KCNH8: variants seen among roughly 807,000 people sequenced by gnomAD.
KCNH8 encodes potassium voltage-gated channel subfamily H member 8.
A neutral mutation model predicts 103.6 loss-of-function variants in KCNH8; 70 were observed. The ratio of observed to expected loss-of-function variants is 0.68; its 90% confidence interval spans 0.56 to 0.82. The LOEUF is 0.82. Among genes scored for constraint, KCNH8 ranks in the 40% least tolerant of loss-of-function variants. The pLI, the probability that KCNH8 is intolerant of heterozygous loss-of-function variation, is 0.00. For missense variants in KCNH8, 1,217 were observed against 1,329.9 expected, an observed-to-expected ratio of 0.92 and a Z score of 1.32; for synonymous variants, 498 against 489.4, an observed-to-expected ratio of 1.02 and a Z score of -0.23.
At position 19,399,909 on chromosome 3, in the gene KCNH8, A is replaced by G. The variant is rs2066584726; in HGVS notation, c.1177+4598A>G. On this transcript the variant is annotated intron_variant, in intron 7 of 15. Coordinates refer to ENST00000328405, the MANE Select transcript of KCNH8 (RefSeq NM_144633.3). ...AATTAGAAGGATACAAAACAAGACT[A>G]GGAAAAGAACATGAGCTAAGGTAGC... Among the ~76,000 whole-genome samples the G allele has an allele frequency of 3.3e-5, 5 of 152,088 alleles. No individual in the cohort carries two copies. The South Asian group carries it at 1.0e-3, about 32-fold the overall frequency.
At chr3:19,425,406 C>T (rs2067013943) in intron 7 of KCNH8, among the ~76,000 whole-genome samples, 1 of 152,164 alleles carries the variant, frequency 6.6e-6, no homozygotes, top group East Asian at 1.9e-4. Context: ...CAATAGACTG[C>T]AAGATAATAA....
intron 11 of KCNH8, among the ~76,000 whole-genome samples, chr3:19,474,549 TG>T (rs1428722446): frequency 6.6e-6 from 1 of 152,188 alleles, no homozygotes; most frequent in East Asian, 1.9e-4. Context: ...GGCCAGCATG[TG>T]GTGATGACAA....
chr3:19,164,675 C>T (rs576956093), intron 1 of KCNH8, among the ~76,000 whole-genome samples: 108 of 152,282 alleles, frequency 7.1e-4, no homozygotes, highest in Non-Finnish European at 1.4e-3. Context: ...CGTGACTTCA[C>T]TGTGAGATAC....
intron 1 of KCNH8, among the ~76,000 whole-genome samples, chr3:19,165,652 A>G (rs1383585039): frequency 6.6e-6 from 1 of 152,198 alleles, no homozygotes; most frequent in Non-Finnish European, 1.5e-5. Context: ...CCAGTTGGCA[A>G]CTTTATAGGT....
At chr3:19,240,482 C>A (rs1253383463) in intron 1 of KCNH8, among the ~76,000 whole-genome samples, 1 of 151,902 alleles carries the variant, frequency 6.6e-6, no homozygotes, top group Non-Finnish European at 1.5e-5. Flanking sequence ...CATGGTGGCG[C>A]ATGCCTGTAA....
rs541272635 is a variant in KCNH8 at position 19,353,469 on chromosome 3, A to G, written c.811+5504A>G. ...AGATCAATATCCCTGATGCACATCA[A>G]TGCAAAAATCCTCAATAAAGTACTG... On this transcript the variant is annotated intron_variant, in intron 5 of 15. Coordinates refer to ENST00000328405, the MANE Select transcript of KCNH8 (RefSeq NM_144633.3). Among the ~76,000 whole-genome samples the G allele has an allele frequency of 7.2e-5, 11 of 152,350 alleles. No homozygotes were observed. In the East Asian group the frequency reaches 1.9e-3, roughly 27 times the overall value.
intron 11 of KCNH8, among the ~76,000 whole-genome samples, chr3:19,488,998 T>C (rs112819319): frequency 1.3e-5 from 2 of 152,152 alleles, no homozygotes; most frequent in African/African-American, 4.8e-5. Context: ...AGGTGAAAGG[T>C]TGATACAAAG....
At chr3:19,308,983 C>G (rs935851263) in intron 3 of KCNH8, among the ~76,000 whole-genome samples, 6 of 151,720 alleles carry the variant, frequency 4.0e-5, no homozygotes, top group African/African-American at 1.5e-4. Context: ...AGGAGAACAA[C>G]AGCTTCAGGC....
chr3:19,449,290 CCA>C (rs2067408295), intron 8 of KCNH8, among the ~76,000 whole-genome samples: 1 of 93,512 alleles, frequency 1.1e-5, no homozygotes, highest in Non-Finnish European at 2.0e-5. Flanking sequence ...AACAAGAGTC[CCA>C]TATATATATA....
At chr3:19,359,971 CTG>C (rs530993324) in intron 5 of KCNH8, among the ~76,000 whole-genome samples, 72 of 151,998 alleles carry the variant, frequency 4.7e-4, no homozygotes, top group African/African-American at 1.7e-3. Context: ...AGCAGTATAA[CTG>C]TAATGCCAAA....
intron 8 of KCNH8, among the ~76,000 whole-genome samples, chr3:19,447,277 T>C (rs1196603456): frequency 6.6e-6 from 1 of 151,982 alleles, no homozygotes; most frequent in Non-Finnish European, 1.5e-5. Flanking sequence ...TTTTAACTAC[T>C]TAAATTAGAA....
intron 1 of KCNH8, among the ~76,000 whole-genome samples, chr3:19,233,772 G>C (rs1031468747): frequency 7.9e-5 from 12 of 152,242 alleles, no homozygotes; most frequent in Middle Eastern, 3.4e-3. Flanking sequence ...CTGACTTCAA[G>C]AATGAAGCCA....
At position 19,323,277 on chromosome 3, in the gene KCNH8, G is replaced by A. The variant is rs181147277; in HGVS notation, c.443-19310G>A. On this transcript the variant is annotated intron_variant, in intron 3 of 15. Transcript: ENST00000328405. Reference sequence around the variant, plus strand: ...ATCCTGGCTAACACAGTGAAACCCCGTCTCTACTAAAAATATAAAAAATTA... The same window carrying A: ...ATCCTGGCTAACACAGTGAAACCCCATCTCTACTAAAAATATAAAAAATTA... Among the ~76,000 whole-genome samples, 477 of 151,894 alleles carry A rather than the reference G, an allele frequency of 3.1e-3. 5 individuals carry two copies. Among genetic ancestry groups the A allele is most frequent in the African/African-American group, 0.011 (453 of 41,426 alleles).
intron 1 of KCNH8, among the ~76,000 whole-genome samples, chr3:19,209,862 T>A (rs1225481755): frequency 6.6e-6 from 1 of 152,026 alleles, no homozygotes; most frequent in Non-Finnish European, 1.5e-5. Context: ...ACCTTTTGAG[T>A]TATCCTTCCT....
intron 11 of KCNH8, among the ~76,000 whole-genome samples, chr3:19,482,580 G>A (rs900396835): frequency 6.6e-6 from 1 of 152,136 alleles, no homozygotes; most frequent in African/African-American, 2.4e-5. Context: ...GCAATAAGCA[G>A]GTTCTTATTA....
intron 7 of KCNH8, among the ~76,000 whole-genome samples, chr3:19,417,060 A>G (rs531603180): frequency 3.8e-4 from 58 of 151,884 alleles, no homozygotes; most frequent in African/African-American, 1.4e-3. Context: ...TTCCCCTGTC[A>G]GCACCACCAC....
At chr3:19,174,482 A>G (rs1053523493) in intron 1 of KCNH8, among the ~76,000 whole-genome samples, 1 of 152,218 alleles carries the variant, frequency 6.6e-6, no homozygotes, top group Non-Finnish European at 1.5e-5. Flanking sequence ...TAAGCAAGCT[A>G]GTGAATAGTC....
chr3:19,348,126 A>G (rs2065752678), intron 5 of KCNH8, among the ~76,000 whole-genome samples, 161 bp downstream of exon 5: 1 of 152,100 alleles, frequency 6.6e-6, no homozygotes, highest in African/African-American at 2.4e-5. Flanking sequence ...GGATTTCTGA[A>G]AATTGCCTCT....
intron 1 of KCNH8, among the ~76,000 whole-genome samples, chr3:19,179,197 G>A (rs1323453247): frequency 6.6e-6 from 1 of 151,874 alleles, no homozygotes; most frequent in Non-Finnish European, 1.5e-5. Context: ...ATGGGAGAAT[G>A]TTTATTATTT....
Sources: gnomAD v4.1 joint callset for allele counts (sites outside exome capture counted in the v4.1 genomes callset) on GRCh38, gnomAD v4.1.1 for gene constraint, MANE v1.5 for transcripts, NCBI Gene and HGNC (gene_info 2026-07-23, HGNC 2026-07-21) for gene names.